The following PRKCH variants were observed in gnomAD, a reference collection of about 807,000 sequenced individuals.
The protein encoded by PRKCH is protein kinase C eta type.
A neutral mutation model predicts 82.5 loss-of-function variants in PRKCH; 28 were observed. The ratio of observed to expected loss-of-function variants is 0.34; its 90% CI spans 0.25 to 0.47. The LOEUF (loss-of-function observed/expected upper bound fraction) is 0.47, where lower values mean the gene tolerates loss of function less well. Ranked by LOEUF, PRKCH falls within the 20% of genes least tolerant of loss-of-function variation. The pLI, the probability that PRKCH is intolerant of heterozygous loss-of-function variation, is 1.00. For synonymous variants in PRKCH, 322 were observed against 327.4 expected (o/e 0.98, Z 0.18); for missense variants, 705 against 881.8 (o/e 0.80, Z 2.54).
At chr14:61,416,053 C>CTTTTTTTTTTTTTTTTTTTTTTTTTTT (rs71117815) in intron 2 of PRKCH, among the ~76,000 whole-genome samples, 20 of 94,150 alleles carry the variant, frequency 2.1e-4, no homozygotes, top group South Asian at 3.8e-4. Flanking sequence ...CTTTTCTTTT[C>CTTTTTTTTTTTTTTTTTTTTTTTTTTT]TTTTTTTTTT....
At chr14:61,310,517 C>T (rs1378736071) in intron 1 of PRKCH, among the ~76,000 whole-genome samples, 2 of 152,232 alleles carry the variant, frequency 1.3e-5, no homozygotes, top group East Asian at 3.9e-4. Context: ...AAAGAGTGGG[C>T]TCCCATGGCC....
intron 1 of PRKCH, among the ~76,000 whole-genome samples, chr14:61,242,678 A>G (rs1219988264): frequency 1.3e-5 from 2 of 152,182 alleles, no homozygotes; most frequent in African/African-American, 2.4e-5. Context: ...GATTACAGGC[A>G]TGAGCCACCA....
chr14:61,540,978 C>T (rs998678696), intron 12 of PRKCH, among the ~76,000 whole-genome samples: 1 of 152,242 alleles, frequency 6.6e-6, no homozygotes, highest in South Asian at 2.1e-4. Context: ...CTACCAAGCC[C>T]CATCCCACCC....
intron 1 of PRKCH, among the ~76,000 whole-genome samples, chr14:61,346,433 AG>A (rs2045993036): frequency 6.6e-6 from 1 of 152,212 alleles, no homozygotes; most frequent in Non-Finnish European, 1.5e-5. Context: ...AACTTGAGAT[AG>A]TGTGTCATTT....
chr14:61,389,471 G>A (rs1300251421), intron 1 of PRKCH, among the ~76,000 whole-genome samples: 1 of 152,146 alleles, frequency 6.6e-6, no homozygotes, highest in African/African-American at 2.4e-5. Flanking sequence ...TGGGAGGATT[G>A]CTTGAGCCTA....
intron 1 of PRKCH, among the ~76,000 whole-genome samples, chr14:61,247,045 A>G (rs988812444): frequency 2.0e-5 from 3 of 152,180 alleles, no homozygotes; most frequent in Admixed American, 6.5e-5. Context: ...CTCTTCTTCA[A>G]CAGAGAATTG....
At chr14:61,209,703 C>T (rs1368905025) in intron 1 of PRKCH, among the ~76,000 whole-genome samples, 1 of 152,132 alleles carries the variant, frequency 6.6e-6, no homozygotes, top group Non-Finnish European at 1.5e-5. Flanking sequence ...GGATTTGTTA[C>T]ATGGGTATAT....
At chr14:61,440,041 A>G (rs1883882756) in intron 2 of PRKCH, among the ~76,000 whole-genome samples, 1 of 152,256 alleles carries the variant, frequency 6.6e-6, no homozygotes, top group African/African-American at 2.4e-5. Flanking sequence ...TTGCATCTAT[A>G]CATGATAAGT....
chr14:61,378,325 G>T (rs2046452481), intron 1 of PRKCH, among the ~76,000 whole-genome samples: 1 of 151,024 alleles, frequency 6.6e-6, no homozygotes, highest in Non-Finnish European at 1.5e-5. Context: ...TGATCCTCCT[G>T]TTTCAGCCTC....
chr14:61,476,967 A>G (rs537604852), intron 9 of PRKCH, among the ~76,000 whole-genome samples: 3 of 152,196 alleles, frequency 2.0e-5, no homozygotes, highest in Non-Finnish European at 4.4e-5. Context: ...CAGTTCAGAC[A>G]TGGTGCAATC....
intron 12 of PRKCH, among the ~76,000 whole-genome samples, chr14:61,546,142 A>G (rs1458800269): frequency 6.6e-6 from 1 of 152,170 alleles, no homozygotes; most frequent in African/African-American, 2.4e-5. Flanking sequence ...CTTTTTTGTA[A>G]GCATTTTCTC....
At chr14:61,311,280 CT>C (rs2045521863) in intron 1 of PRKCH, among the ~76,000 whole-genome samples, 1 of 152,234 alleles carries the variant, frequency 6.6e-6, no homozygotes, top group Non-Finnish European at 1.5e-5. Context: ...ATTTTTCAAA[CT>C]TTTATGCTCT....
chr14:61,354,526 A>T (rs1007128938), intron 1 of PRKCH, among the ~76,000 whole-genome samples: 1 of 150,064 alleles, frequency 6.7e-6, no homozygotes, highest in East Asian at 2.0e-4. Context: ...CTTAGGGAAT[A>T]TTTTTTTCTG....
At chr14:61,368,369 C>A (rs577914761) in intron 1 of PRKCH, among the ~76,000 whole-genome samples, 2 of 151,994 alleles carry the variant, frequency 1.3e-5, no homozygotes, top group African/African-American at 4.8e-5. Context: ...GCCTTTGAGC[C>A]TTGTGTGTTT....
chr14:61,220,791 G>A (rs781637636), intron 1 of PRKCH, among the ~76,000 whole-genome samples: 1 of 152,010 alleles, frequency 6.6e-6, no homozygotes, highest in Non-Finnish European at 1.5e-5. Flanking sequence ...TAAGAGAAAA[G>A]GGGGAAAGGA....
intron 1 of PRKCH, among the ~76,000 whole-genome samples, chr14:61,364,801 T>C (rs1182385973): frequency 6.6e-6 from 1 of 151,904 alleles, no homozygotes; most frequent in Non-Finnish European, 1.5e-5. Flanking sequence ...GATTGCACCA[T>C]TGCGCTCCAG....
chr14:61,210,124 A>ATATATATC (rs2044560338), intron 1 of PRKCH, among the ~76,000 whole-genome samples: 1 of 28,292 alleles, frequency 3.5e-5, no homozygotes, highest in Non-Finnish European at 6.2e-5. Context: ...ATATATATAT[A>ATATATATC]TATATATATA....
intron 1 of PRKCH, among the ~76,000 whole-genome samples, chr14:61,334,986 G>A (rs2181986): frequency 0.96 from 145,465 of 152,180 alleles, 69,878 homozygotes; most frequent in East Asian, 1. Flanking sequence ...GGCAAGAGCC[G>A]CCACTCCTAG....
chr14:61,439,572 A>T (rs908462075), intron 2 of PRKCH, among the ~76,000 whole-genome samples: 1 of 152,230 alleles, frequency 6.6e-6, no homozygotes, highest in Non-Finnish European at 1.5e-5. Flanking sequence ...ACACGGCCCC[A>T]GGTCGTGAGA....
Sources: allele counts gnomAD v4.1 joint callset (sites outside exome capture counted in the v4.1 genomes callset), GRCh38; gene constraint gnomAD v4.1.1; transcripts MANE v1.5; gene names NCBI Gene and HGNC (gene_info 2026-07-23, HGNC 2026-07-21).